GABRB2: variants seen among roughly 807,000 people sequenced by gnomAD.
GABRB2 encodes the protein gamma-aminobutyric acid type A receptor subunit beta2, also known as gamma-aminobutyric acid receptor subunit beta-2.
A neutral mutation model predicts 54.7 loss-of-function variants in GABRB2; 16 were observed. That is an observed-to-expected ratio of 0.29 (90% CI 0.20 to 0.44). GABRB2 has a LOEUF of 0.44. Among genes scored for constraint, GABRB2 ranks in the 20% least tolerant of loss-of-function variants. The probability of loss-of-function intolerance (pLI) is 1.00; values close to 1 mark genes in which losing one functional copy is unlikely to be tolerated. For missense variants in GABRB2, 355 were observed against 644.0 expected, an observed-to-expected ratio of 0.55 and a Z score of 4.86; for synonymous variants, 244 against 233.8, an observed-to-expected ratio of 1.04 and a Z score of -0.40.
chr5:161,354,710 A>C (rs1224507092), intron 5 of GABRB2, among the ~76,000 whole-genome samples: 1 of 152,044 alleles, frequency 6.6e-6, no homozygotes, highest in African/African-American at 2.4e-5. Context: ...AAATCTTTGA[A>C]AGGCTTCCCA....
At chr5:161,387,360 A>C (rs1755677464) in intron 5 of GABRB2, among the ~76,000 whole-genome samples, 5 of 152,116 alleles carry the variant, frequency 3.3e-5, no homozygotes, top group African/African-American at 1.2e-4. Context: ...TATGGAACCG[A>C]GAGGCTGTGC....
chr5:161,542,985 A>G (rs1490682845), intron 3 of GABRB2, among the ~76,000 whole-genome samples: 1 of 152,230 alleles, frequency 6.6e-6, no homozygotes, highest in Non-Finnish European at 1.5e-5. Context: ...TTCTTTGAAG[A>G]TAATTTTAGG....
intron 5 of GABRB2, among the ~76,000 whole-genome samples, chr5:161,364,132 A>C (rs946510484): frequency 3.9e-5 from 6 of 151,976 alleles, no homozygotes; most frequent in Admixed American, 2.6e-4. Flanking sequence ...ATTCCACACT[A>C]TGTCATTTTT....
At chr5:161,533,153 A>C (rs1043666355) in intron 3 of GABRB2, among the ~76,000 whole-genome samples, 9 of 152,202 alleles carry the variant, frequency 5.9e-5, no homozygotes, top group African/African-American at 2.2e-4. Context: ...ACTTGGCAAT[A>C]GGAATGCCGA....
intron 4 of GABRB2, among the ~76,000 whole-genome samples, chr5:161,413,270 C>G (rs1253304115): frequency 1.3e-5 from 2 of 151,884 alleles, no homozygotes; most frequent in African/African-American, 2.4e-5. Context: ...CATTATTTCT[C>G]TTTTTTTAAT....
At chr5:161,317,363 G>A (rs913984702) in intron 9 of GABRB2, among the ~76,000 whole-genome samples, 2 of 152,050 alleles carry the variant, frequency 1.3e-5, no homozygotes, top group African/African-American at 4.8e-5. Flanking sequence ...GAGAAAAGCA[G>A]AAGTGCCCCT....
At chr5:161,433,894 T>A (rs896845827) in intron 4 of GABRB2, among the ~76,000 whole-genome samples, 19 of 152,272 alleles carry the variant, frequency 1.2e-4, no homozygotes, top group Admixed American at 7.2e-4. Context: ...CATCTGTCAA[T>A]CCTTTACAAA....
intron 5 of GABRB2, among the ~76,000 whole-genome samples, chr5:161,410,239 C>T (rs1756467145): frequency 6.6e-6 from 1 of 152,248 alleles, no homozygotes; most frequent in Non-Finnish European, 1.5e-5. Flanking sequence ...AACCACCTCC[C>T]TATGTGACCT....
intron 9 of GABRB2, among the ~76,000 whole-genome samples, chr5:161,316,058 A>G (rs1758019713): frequency 6.6e-6 from 1 of 152,222 alleles, no homozygotes; most frequent in South Asian, 2.1e-4. Context: ...GAAATAAATG[A>G]AAGTAGGTTT....
At chr5:161,467,372 G>C (rs1304250197) in intron 3 of GABRB2, among the ~76,000 whole-genome samples, 3 of 152,056 alleles carry the variant, frequency 2.0e-5, no homozygotes, top group Non-Finnish European at 4.4e-5. Flanking sequence ...CTATATCAAA[G>C]TTGAGGTTTT....
chr5:161,503,916 C>G (rs1192328340), intron 3 of GABRB2, among the ~76,000 whole-genome samples: 1 of 151,888 alleles, frequency 6.6e-6, no homozygotes, highest in Non-Finnish European at 1.5e-5. Context: ...ACATTAAAAA[C>G]TGACAAATTA....
At chr5:161,520,202 T>C (rs761155215) in intron 3 of GABRB2, among the ~76,000 whole-genome samples, 1 of 152,100 alleles carries the variant, frequency 6.6e-6, no homozygotes, top group African/African-American at 2.4e-5. Context: ...TTAGGAAGTA[T>C]GTCTGCACCT....
chr5:161,415,991 G>A (rs932968725), intron 4 of GABRB2, among the ~76,000 whole-genome samples: 1 of 147,714 alleles, frequency 6.8e-6, no homozygotes, highest in African/African-American at 2.5e-5. Context: ...CATGCTGGAG[G>A]GCAGTGGAAT....
chr5:161,429,389 AG>A (rs1474942393), intron 4 of GABRB2, among the ~76,000 whole-genome samples: 1 of 151,170 alleles, frequency 6.6e-6, no homozygotes, highest in Admixed American at 6.6e-5. Flanking sequence ...TCCTGAAATA[AG>A]GAAAATGATT....
At chr5:161,543,882 TTA>T (rs750892193) in intron 3 of GABRB2, among the ~76,000 whole-genome samples, 54 of 152,330 alleles carry the variant, frequency 3.5e-4, no homozygotes, top group Admixed American at 1.1e-3. Context: ...TAGTCTGCGT[TTA>T]TATTGCATGT....
intron 5 of GABRB2, among the ~76,000 whole-genome samples, chr5:161,349,353 G>C (rs746613827): frequency 6.6e-6 from 1 of 151,930 alleles, no homozygotes; most frequent in Non-Finnish European, 1.5e-5. Flanking sequence ...CAATCATCAA[G>C]ACCCAAATTC....
chr5:161,440,358 A>G (rs1226935752), intron 4 of GABRB2, among the ~76,000 whole-genome samples: 1 of 152,182 alleles, frequency 6.6e-6, no homozygotes, highest in Non-Finnish European at 1.5e-5. Flanking sequence ...CACTTCAACT[A>G]TAAAGACACA....
intron 7 of GABRB2, among the ~76,000 whole-genome samples, chr5:161,334,406 C>A (rs976602346): frequency 6.6e-6 from 1 of 151,956 alleles, no homozygotes; most frequent in East Asian, 1.9e-4. Context: ...GAGAAAAAAA[C>A]GTAGAAGGGA....
At chr5:161,404,759 C>T (rs1348944790) in intron 5 of GABRB2, among the ~76,000 whole-genome samples, 1 of 152,114 alleles carries the variant, frequency 6.6e-6, no homozygotes, top group Non-Finnish European at 1.5e-5. Context: ...TTCATCTTTT[C>T]CTAAACAGCA....
Sources: allele counts gnomAD v4.1 joint callset (sites outside exome capture counted in the v4.1 genomes callset), GRCh38; gene constraint gnomAD v4.1.1; transcripts MANE v1.5; gene names NCBI Gene and HGNC (gene_info 2026-07-23, HGNC 2026-07-21).